The following TOP3A variants were observed in gnomAD, a reference collection of about 807,000 sequenced individuals.
TOP3A encodes the protein DNA topoisomerase III alpha, also known as DNA topoisomerase 3-alpha.
A neutral mutation model predicts 111.3 loss-of-function variants in TOP3A; 64 were observed. That is an observed-to-expected ratio of 0.57 (90% CI 0.47 to 0.71). The LOEUF (loss-of-function observed/expected upper bound fraction) is 0.71, where lower values mean the gene tolerates loss of function less well. Among genes scored for constraint, TOP3A ranks in the 30% least tolerant of loss-of-function variants. TOP3A has a pLI of 0.00. For missense variants in TOP3A, 1,104 were observed against 1,285.0 expected (o/e 0.86, Z 2.15); for synonymous variants, 484 against 485.1 (o/e 1.00, Z 0.03).
intron 17 of TOP3A, among the ~76,000 whole-genome samples, chr17:18,279,926 G>C (rs1597956048): frequency 6.6e-6 from 1 of 152,092 alleles, no homozygotes; most frequent in East Asian, 1.9e-4. Flanking sequence ...CAAGGTGGGT[G>C]GATCACTTGG....
Position 18,274,622 on chromosome 17 carries a change from T to C in TOP3A, c.*180A>G, listed in dbSNP as rs1979213875. On this transcript the variant is annotated 3_prime_UTR_variant, in exon 19 of 19. Transcript: ENST00000321105. ...GAAGAGGGTCACTGTCCAGCAGAGC[T>C]GGCCTGCTCCAGAGTGATCTGGACC... is the stretch of plus-strand genomic sequence containing the variant. 5 of 1,054,878 alleles carry C rather than the reference T, an allele frequency of 4.7e-6. No homozygotes were observed. Among genetic ancestry groups the C allele is most frequent in the Non-Finnish European group, 6.6e-6 (5 of 762,468 alleles). 65.3% of individuals were successfully genotyped at this position (1,054,878 alleles called of 1,614,324 possible). A position where few individuals can be genotyped will look rare whatever the true frequency, so the allele number is the denominator to read the frequency against.
intron 13 of TOP3A, 39 bp downstream of exon 13, chr17:18,290,518 T>A: frequency 6.6e-7 from 1 of 1,521,656 alleles, no homozygotes; most frequent in Non-Finnish European, 8.8e-7. Context: ...CTGTAAGCCT[T>A]AGCTCAAGAG....
chr17:18,291,115 T>C, intron 11 of TOP3A, 88 bp from the exon 12 acceptor site: 1 of 1,378,436 alleles, frequency 7.3e-7, no homozygotes, highest in Non-Finnish European at 9.9e-7. Context: ...CCTAATGTCC[T>C]GCACAGAAGA....
intron 1 of TOP3A, among the ~76,000 whole-genome samples, chr17:18,309,526 C>T (rs1488419412): frequency 1.3e-5 from 2 of 151,816 alleles, no homozygotes; most frequent in Non-Finnish European, 2.9e-5. Context: ...GCCTGTAATC[C>T]CAGTTACTTG....
intron 1 of TOP3A, among the ~76,000 whole-genome samples, chr17:18,309,813 C>T (rs566421673): frequency 1.3e-5 from 2 of 149,500 alleles, no homozygotes; most frequent in East Asian, 4.2e-4. Context: ...GGGTTCACAC[C>T]ATTCTCCTGC....
intron 5 of TOP3A, among the ~76,000 whole-genome samples, chr17:18,303,817 A>G (rs1981388247): frequency 6.6e-6 from 1 of 151,130 alleles, no homozygotes; most frequent in African/African-American, 2.4e-5. Context: ...TCACTTGCTG[A>G]GCGCCGGTCC....
At position 18,314,670 on chromosome 17, in the gene TOP3A, G is replaced by C. The variant is rs943476403; in HGVS notation, c.109C>G (p.Leu37Val). The change falls in exon 1 of 19, where the codon CTC becomes GTC. Residue 37 changes from leucine to valine, a missense_variant. By Grantham distance (32) the Leu-to-Val change is conservative (BLOSUM62 1). Transcript: ENST00000321105. The stretch of plus-strand genomic sequence containing the variant: ...GCGTCGTTTTTTTCGGCCACACAGA[G>C]GACTTTCCGCACGCCTCGGAGGGCC... ...EMALRGVRKV[L>V]CVAEKNDAAK... The C allele has an allele frequency of 6.2e-6, 10 of 1,613,534 alleles. No individual in the cohort carries two copies. Among genetic ancestry groups the C allele is most frequent in the Non-Finnish European group, 8.5e-6 (10 of 1,179,770 alleles).
chr17:18,305,762 C>T (rs904750762), intron 4 of TOP3A, among the ~76,000 whole-genome samples: 4 of 151,916 alleles, frequency 2.6e-5, no homozygotes, highest in South Asian at 2.1e-4. Flanking sequence ...GGCATGAACC[C>T]GGGAGGCGCA....
At position 18,282,859 on chromosome 17, in the gene TOP3A, A is replaced by G. The variant is rs1044152756; in HGVS notation, c.1878-18T>C. On this transcript the variant is annotated intron_variant, in intron 15 of 18. Coordinates refer to ENST00000321105, the MANE Select transcript of TOP3A (RefSeq NM_004618.5). ...CGTCCAATCTGAAGAAAAGGCAAAG[A>G]CAGACACCCATCAGCCAGCAATCGC... The G allele has an allele frequency of 1.5e-5, 25 of 1,613,494 alleles. No individual in the cohort carries two copies. Among genetic ancestry groups the G allele is most frequent in the Non-Finnish European group, 2.0e-5 (24 of 1,179,944 alleles).
intron 16 of TOP3A, among the ~76,000 whole-genome samples, chr17:18,281,324 G>C (rs1272453899): frequency 6.6e-6 from 1 of 152,100 alleles, no homozygotes; most frequent in Non-Finnish European, 1.5e-5. Flanking sequence ...CTCAGAAATG[G>C]AAATTAACAG....
chr17:18,308,838 TCTTG>T (rs1295775631), intron 2 of TOP3A, 40 bp downstream of exon 2: 3 of 1,333,376 alleles, frequency 2.2e-6, no homozygotes, highest in East Asian at 2.4e-5. Flanking sequence ...GACTACTTTC[TCTTG>T]CTTATGATTG....
At chr17:18,286,064 G>A (rs1241561249) in intron 13 of TOP3A, among the ~76,000 whole-genome samples, 1 of 152,054 alleles carries the variant, frequency 6.6e-6, no homozygotes, top group Non-Finnish European at 1.5e-5. Context: ...GCAGGGTGTG[G>A]CGGCACGCAC....
Position 18,302,681 on chromosome 17 carries a change from A to G in TOP3A, c.542T>C (p.Ile181Thr), listed in dbSNP as rs1981310955. ...AGCTGTCCTGACGGCATGGGGTGTG[A>G]TCTCAGAGAATCGGGCTCGCAACAC... ...LQVLRARFSE[I>T]TPHAVRTACE... is the part of the protein sequence containing the mutation. The change falls in exon 6 of 19, where the codon ATC (isoleucine) becomes ACC (threonine). Residue 181 changes from isoleucine to threonine, a missense_variant. Physicochemically the swap from Ile to Thr is moderately conservative, Grantham distance 89. Transcript: ENST00000321105. 1 of 1,613,974 alleles carries G rather than the reference A, an allele frequency of 6.2e-7. No homozygotes were observed. Among genetic ancestry groups the G allele is most frequent in the Non-Finnish European group, 8.5e-7 (1 of 1,180,000 alleles).
At chr17:18,298,192 GC>G (rs1211242766) in intron 9 of TOP3A, among the ~76,000 whole-genome samples, 1 of 147,710 alleles carries the variant, frequency 6.8e-6, no homozygotes, top group Non-Finnish European at 1.5e-5. Flanking sequence ...CCCGGCAACC[GC>G]CCCGTCTGAG....
chr17:18,291,319 G>A (rs977321176), intron 11 of TOP3A, among the ~76,000 whole-genome samples: 11 of 152,244 alleles, frequency 7.2e-5, no homozygotes, highest in African/African-American at 1.9e-4. Flanking sequence ...AGATGAAAGC[G>A]TAAGAAGTTA....
intron 5 of TOP3A, among the ~76,000 whole-genome samples, chr17:18,303,760 G>A (rs1981383577): frequency 6.6e-6 from 1 of 152,286 alleles, no homozygotes; most frequent in Admixed American, 6.5e-5. Context: ...AGTAAAGATA[G>A]TGATTGATAA....
At chr17:18,287,153 T>C (rs1001093512) in intron 13 of TOP3A, among the ~76,000 whole-genome samples, 1 of 151,812 alleles carries the variant, frequency 6.6e-6, no homozygotes, top group East Asian at 2.0e-4. Context: ...ATCCCAACAC[T>C]TTGGGAGGTT....
Position 18,289,591 on chromosome 17 carries a change from C to T in TOP3A, c.1597+966G>A, listed in dbSNP as rs185106447. On this transcript the variant is annotated intron_variant, in intron 13 of 18. Coordinates refer to ENST00000321105, the MANE Select transcript of TOP3A (RefSeq NM_004618.5). ...CTGCGCCCAGCAAGATGGGGTTTTACCGTGTTGCCCAAGCTGGTCTTGAAT... is the reference window on the plus strand; with the variant it reads ...CTGCGCCCAGCAAGATGGGGTTTTATCGTGTTGCCCAAGCTGGTCTTGAAT... Among the ~76,000 whole-genome samples the T allele has an allele frequency of 6.6e-5, 10 of 152,270 alleles. No homozygotes were observed. The East Asian group carries it at 1.7e-3, about 26-fold the overall frequency.
In TOP3A at chr17:18,292,955, G is replaced by T. The variant is rs551670205; in HGVS notation, c.1074-103C>A. On this transcript the variant is annotated intron_variant, in intron 10 of 18. Transcript: ENST00000321105. ...TAACACCTGCAAACACTCATCTGAT[G>T]TAGCCAACTCAACTGAAGGCAGCCT... 607 of 1,157,904 alleles carry T rather than the reference G, an allele frequency of 5.2e-4. 6 individuals carry two copies. In the East Asian group the frequency reaches 6.2e-3, roughly 12 times the overall value. The allele number at this position is 1,157,904 out of a possible 1,614,324, so 71.7% of individuals were successfully genotyped here.
Sources: allele counts gnomAD v4.1 joint callset (sites outside exome capture counted in the v4.1 genomes callset), GRCh38; gene constraint gnomAD v4.1.1; transcripts MANE v1.5; gene names NCBI Gene and HGNC (gene_info 2026-07-23, HGNC 2026-07-21).